ATG2B: variants seen among roughly 807,000 people sequenced by gnomAD.
ATG2B encodes the protein autophagy-related protein 2 homolog B.
A neutral mutation model predicts 241.3 loss-of-function variants in ATG2B; 121 were observed. The ratio of observed to expected loss-of-function variants is 0.50; its 90% CI spans 0.43 to 0.58. The LOEUF (loss-of-function observed/expected upper bound fraction) is 0.58. Ranked by LOEUF, ATG2B falls within the 20% of genes least tolerant of loss-of-function variation. The pLI is 0.00. For missense variants in ATG2B, 2,306 were observed against 2,491.6 expected (o/e 0.93, Z 1.59); for synonymous variants, 858 against 876.6 (o/e 0.98, Z 0.37).
intron 30 of ATG2B, among the ~76,000 whole-genome samples, 160 bp downstream of exon 30, chr14:96,306,554 T>C (rs998304543): frequency 5.9e-5 from 9 of 151,788 alleles, no homozygotes; most frequent in African/African-American, 1.9e-4. Flanking sequence ...ACAGAAATAG[T>C]ACAGTAACCA....
intron 41 of ATG2B, 120 bp from the exon 42 acceptor site, chr14:96,286,105 CA>C (rs887261120): frequency 8.8e-4 from 567 of 643,412 alleles, no homozygotes; most frequent in South Asian, 1.7e-3. Context: ...TGTAACCAGA[CA>C]AAAAAAAATG....
intron 1 of ATG2B, among the ~76,000 whole-genome samples, chr14:96,350,593 C>A (rs1468031583): frequency 6.6e-6 from 1 of 152,114 alleles, no homozygotes; most frequent in East Asian, 1.9e-4. Flanking sequence ...ATTTACTTTT[C>A]AAATTAAAAT....
chr14:96,286,515 C>G (rs1455352343), intron 41 of ATG2B, among the ~76,000 whole-genome samples: 1 of 152,158 alleles, frequency 6.6e-6, no homozygotes. Flanking sequence ...GAACAAAAAG[C>G]AGGAACATGT....
At chr14:96,317,435 C>T in intron 19 of ATG2B, 118 bp from the exon 20 acceptor site, 1 of 879,002 alleles carries the variant, frequency 1.1e-6, no homozygotes, top group South Asian at 1.9e-5. Context: ...GGTGTGAACA[C>T]AGAAATACAT....
intron 21 of ATG2B, 59 bp from the exon 22 acceptor site, chr14:96,315,642 C>T (rs1887290599): frequency 7.2e-7 from 1 of 1,396,956 alleles, no homozygotes; most frequent in Admixed American, 1.9e-5. Flanking sequence ...ATTAGCTAAT[C>T]AACTTACATG....
chr14:96,308,255 C>CATATATATAT (rs1162236859), intron 29 of ATG2B, among the ~76,000 whole-genome samples: 1 of 29,364 alleles, frequency 3.4e-5, no homozygotes, highest in Non-Finnish European at 6.1e-5. Flanking sequence ...TATATATACA[C>CATATATATAT]ACATATATAT....
chr14:96,362,798 C>T lies in ATG2B; in HGVS notation c.162+17G>A, dbSNP rs1888702471. The stretch of plus-strand genomic sequence containing the variant: ...AGGGGAGCGAGCCCCGCCCGGCTCG[C>T]CGCCGGCAGCTCTTACCCATTTGTC... On this transcript the variant is annotated intron_variant, in intron 1 of 41. Transcript: ENST00000359933. 6.3e-7 allele frequency: 1 copy of T among 1,584,246 alleles called. No individual in the cohort carries two copies. The highest frequency in any genetic ancestry group is 1.4e-5 in the African/African-American group (1 of 73,740).
rs200247974 is a variant in ATG2B, at chr14:96,313,124, G to A, written c.3783C>T (p.Thr1261=). ...PLYLPIRSLL[T]VETFSVSSSV... ...TACTGGAAACACTGAATGTTTCCAC[G>A]GTAAGAAGAGATCGGATTGGCAAAT... is the stretch of plus-strand genomic sequence containing the variant. Residue 1261 remains threonine (T), a synonymous_variant, in exon 25 of 42, where the codon ACC becomes ACT. Transcript: ENST00000359933. 5.9e-5 allele frequency: 96 copies of A among 1,613,462 alleles called. No homozygotes were observed. Among genetic ancestry groups the A allele is most frequent in the Admixed American group, 3.2e-4 (19 of 59,996 alleles).
At chr14:96,302,347 G>C (rs1886815428) in intron 33 of ATG2B, among the ~76,000 whole-genome samples, 1 of 152,116 alleles carries the variant, frequency 6.6e-6, no homozygotes, top group Non-Finnish European at 1.5e-5. Flanking sequence ...ACTTTGGGAG[G>C]CTAAGGTGGG....
intron 17 of ATG2B, 109 bp from the exon 18 acceptor site, chr14:96,322,363 G>A: frequency 7.2e-7 from 1 of 1,382,326 alleles, no homozygotes; most frequent in Non-Finnish European, 9.8e-7. Context: ...AAATAAGCAT[G>A]AAACATTTAA....
rs1040525380 is a variant in ATG2B at position 96,280,645 on chromosome 14, T to C, written c.*5110A>G. ...GCTCATGCCTGTAATCCCAGCATTT[T>C]TGGAGGCTGAGGTCAAGAGTTCGAG... On this transcript the variant is annotated 3_prime_UTR_variant, in exon 42 of 42. Coordinates refer to ENST00000359933, the MANE Select transcript of ATG2B (RefSeq NM_018036.7). 9.2e-5 allele frequency: 14 copies of C among 152,116 alleles called. No individual in the cohort carries two copies. Among genetic ancestry groups the C allele is most frequent in the Non-Finnish European group, 1.6e-4 (11 of 68,022 alleles). 9.4% of individuals were successfully genotyped at this position (152,116 alleles called of 1,614,324 possible).
At chr14:96,305,855 A>G (rs763182878) in intron 30 of ATG2B, 40 bp from the exon 31 acceptor site, 1 of 1,505,770 alleles carries the variant, frequency 6.6e-7, no homozygotes, top group East Asian at 2.3e-5. Flanking sequence ...CTCTTTTCTA[A>G]TTAGAAACAA....
chr14:96,322,877 A>G, intron 16 of ATG2B, 142 bp from the exon 17 acceptor site: 1 of 665,656 alleles, frequency 1.5e-6, no homozygotes, highest in East Asian at 2.9e-5. Context: ...ATTATGTCTA[A>G]GGTAACCCAC....
rs754640484 is a variant in ATG2B at position 96,291,700 on chromosome 14, G to A, written c.5497-18C>T. The A allele has an allele frequency of 1.3e-6, 2 of 1,574,152 alleles. No individual in the cohort carries two copies. Among genetic ancestry groups the A allele is most frequent in the African/African-American group, 1.3e-5 (1 of 74,130 alleles). On this transcript the variant is annotated intron_variant, in intron 37 of 41. Transcript: ENST00000359933. ...AGCGTACCCTTCAAAATTAAAAAAGGCCAAATTAACCTTACTGTAAATTAA... is the reference window on the plus strand; with the variant it reads ...AGCGTACCCTTCAAAATTAAAAAAGACCAAATTAACCTTACTGTAAATTAA...
At chr14:96,328,854 A>C in intron 12 of ATG2B, 88 bp from the exon 13 acceptor site, 1 of 999,796 alleles carries the variant, frequency 1.0e-6, no homozygotes. Flanking sequence ...GGCTTTCTGA[A>C]GTCAGAAATC....
Position 96,285,523 on chromosome 14 carries a change from G to A in ATG2B, c.*232C>T. ...GCCTTCCACTAACTTGGCAGCAAATGCTTTAAGGACCTTTGACACCAGCCA... is the reference window on the plus strand; with the variant it reads ...GCCTTCCACTAACTTGGCAGCAAATACTTTAAGGACCTTTGACACCAGCCA... On this transcript the variant is annotated 3_prime_UTR_variant, in exon 42 of 42. Coordinates refer to ENST00000359933, the MANE Select transcript of ATG2B (RefSeq NM_018036.7). This position sits in a 1 kb window ranked among gnomAD's most constrained non-coding sequence, Gnocchi z 4.2. 1.9e-6 allele frequency: 1 copy of A among 540,380 alleles called. No individual in the cohort carries two copies. Among genetic ancestry groups the A allele is most frequent in the South Asian group, 2.3e-5 (1 of 43,460 alleles). The allele number at this position is 540,380 out of a possible 1,614,324, so 33.5% of individuals were successfully genotyped here. A position where few individuals can be genotyped will look rare whatever the true frequency, so the allele number is the denominator to read the frequency against.
chr14:96,341,105 T>G (rs1414325028), intron 6 of ATG2B, among the ~76,000 whole-genome samples: 1 of 152,138 alleles, frequency 6.6e-6, no homozygotes, highest in Non-Finnish European at 1.5e-5. Flanking sequence ...ATACATATAA[T>G]TATAAAAACA....
chr14:96,313,895 A>G (rs185686849), intron 23 of ATG2B, among the ~76,000 whole-genome samples: 18 of 152,282 alleles, frequency 1.2e-4, no homozygotes, highest in African/African-American at 3.6e-4. Flanking sequence ...AAATTTTGCT[A>G]AAGACTGCTT....
chr14:96,355,056 T>C (rs951951173), intron 1 of ATG2B, among the ~76,000 whole-genome samples: 4 of 152,206 alleles, frequency 2.6e-5, no homozygotes, highest in East Asian at 3.8e-4. Flanking sequence ...GTCAGACGGA[T>C]AGCTTGCAAA....
Sources: allele counts gnomAD v4.1 joint callset (sites outside exome capture counted in the v4.1 genomes callset), GRCh38; gene constraint gnomAD v4.1.1; non-coding constraint Gnocchi (gnomAD v3.1); transcripts MANE v1.5; gene names NCBI Gene and HGNC (gene_info 2026-07-23, HGNC 2026-07-21).